Variants in ATRX observed in about 807,000 individuals in gnomAD.
ATRX encodes chromatin remodeler ATRX.
In ATRX, 12 loss-of-function variants were observed where a neutral mutation model predicts 172.6. That is an observed-to-expected ratio of 0.07 (90% CI 0.04 to 0.11). ATRX has a LOEUF of 0.11. Ranked by LOEUF, ATRX falls within the 10% of genes least tolerant of loss-of-function variation. The pLI, the probability that ATRX is intolerant of heterozygous loss-of-function variation, is 1.00. For missense variants in ATRX, 1,368 were observed against 1,767.4 expected, an observed-to-expected ratio of 0.77 and a Z score of 4.05; for synonymous variants, 674 against 594.7, an observed-to-expected ratio of 1.13 and a Z score of -1.94.
At chrX:77,767,509 C>T (rs2076013156) in intron 1 of ATRX, among the ~76,000 whole-genome samples, 1 of 109,865 alleles carries the variant, frequency 9.1e-6, no homozygotes, top group Non-Finnish European at 1.9e-5. Flanking sequence ...AATTCTCTCA[C>T]CTCAGCCTCC....
In ATRX at chrX:77,786,073, C is replaced by G. The variant is rs1371278843; in HGVS notation, c.-72G>C. On this transcript the variant is annotated 5_prime_UTR_variant, in exon 1 of 35. Coordinates refer to ENST00000373344, the MANE Select transcript of ATRX (RefSeq NM_000489.6). ...ATCTGCGCTCCCCCGCGCCCGGTTACGATAGAAATGCACTGGAGTCTTAGT... is the reference window on the plus strand; with the variant it reads ...ATCTGCGCTCCCCCGCGCCCGGTTAGGATAGAAATGCACTGGAGTCTTAGT... 1.2e-4 allele frequency: 132 copies of G among 1,108,299 alleles called. No homozygotes were observed. Among genetic ancestry groups the G allele is most frequent in the Non-Finnish European group, 1.3e-5 (11 of 822,800 alleles). 91.3% of individuals were successfully genotyped at this position (1,108,299 alleles called of 1,213,427 possible).
rs1557106643 is a variant in ATRX at position 77,633,553 on chromosome X, TA to T, written c.4956+12del. On this transcript the variant is annotated intron_variant, in intron 18 of 34. Coordinates refer to ENST00000373344, the MANE Select transcript of ATRX (RefSeq NM_000489.6). ...GACTATTTTAATAATAGAAAACATTTAAAATAAGTTACCTCAAGCTTCTCAT... is the reference window on the plus strand; with the variant it reads ...GACTATTTTAATAATAGAAAACATTTAAATAAGTTACCTCAAGCTTCTCAT... 1 of 1,200,745 alleles carries T rather than the reference TA, an allele frequency of 8.3e-7. No individual in the cohort carries two copies. The highest frequency in any genetic ancestry group is 2.2e-5 in the Admixed American group (1 of 45,722).
At chrX:77,583,507 G>C (rs1488382586) in intron 27 of ATRX, among the ~76,000 whole-genome samples, 1 of 110,004 alleles carries the variant, frequency 9.1e-6, no homozygotes, top group Non-Finnish European at 1.9e-5. Context: ...CTGGGCAACA[G>C]AGTGAGACCG....
intron 28 of ATRX, among the ~76,000 whole-genome samples, chrX:77,560,174 G>T (rs1557061265): frequency 9.1e-6 from 1 of 109,319 alleles, no homozygotes; most frequent in African/African-American, 3.3e-5. Context: ...AAAACTATCT[G>T]TTTTTTAAAA....
rs934613900 is a variant in ATRX at position 77,641,098 on chromosome X, G to A, written c.4558-5042C>T. Among the ~76,000 whole-genome samples, 4 of 111,320 alleles carry A rather than the reference G, an allele frequency of 3.6e-5. No homozygotes were observed. In the East Asian group the frequency reaches 8.4e-4, roughly 23 times the overall value. ...ATAAATTAAAGAGTATTGAAGAAAC[G>A]CATTAACCAGGCTTTTTTAAAAGCT... is the stretch of plus-strand genomic sequence containing the variant. On this transcript the variant is annotated intron_variant, in intron 15 of 34. Coordinates refer to ENST00000373344, the MANE Select transcript of ATRX (RefSeq NM_000489.6).
chrX:77,741,025 A>G (rs1168473943), intron 1 of ATRX, among the ~76,000 whole-genome samples: 1 of 85,261 alleles, frequency 1.2e-5, no homozygotes, highest in Non-Finnish European at 2.5e-5. Flanking sequence ...CAACATAGTG[A>G]GACCCTGTCT....
At chrX:77,708,795 ATGG>A (rs1337066479) in intron 2 of ATRX, among the ~76,000 whole-genome samples, 1 of 112,688 alleles carries the variant, frequency 8.9e-6, no homozygotes, top group Non-Finnish European at 1.9e-5. Context: ...TTTAAAATTG[ATGG>A]TGGTGATGGT....
Position 77,639,649 on chromosome X carries a change from A to G in ATRX, c.4558-3593T>C, listed in dbSNP as rs782791235. On this transcript the variant is annotated intron_variant, in intron 15 of 34. Transcript: ENST00000373344. The stretch of plus-strand genomic sequence containing the variant: ...AAGATTTCTGAACCATATGTTCATC[A>G]GTGACTTGATGATACTTTTGTTATT... 8.9e-5 allele frequency among the ~76,000 whole-genome samples: 10 copies of G among 112,198 alleles called. No homozygotes were observed. In the South Asian group the frequency reaches 3.0e-3, roughly 33 times the overall value.
rs782077612 is a variant in ATRX, at chrX:77,682,387, CTTT to C, written c.2866_2868del (p.Lys956del). 3.3e-6 allele frequency: 4 copies of C among 1,209,596 alleles called. No homozygotes were observed. Among genetic ancestry groups the C allele is most frequent in the Non-Finnish European group, 4.5e-6 (4 of 895,050 alleles). On this transcript the variant is annotated inframe_deletion, in exon 9 of 35. Transcript: ENST00000373344. ...GCAATATCAGATAAGCCATCCTGTA[CTTT>C]TTTACATGTTTTGGTTTTGAGATGC...
chrX:77,688,819 T>C lies in ATRX; in HGVS notation c.593A>G (p.Lys198Arg), dbSNP rs1180790039. The C allele has an allele frequency of 8.4e-7, 1 of 1,186,094 alleles. No homozygotes were observed. Among genetic ancestry groups the C allele is most frequent in the Non-Finnish European group, 1.1e-6 (1 of 873,495 alleles). ...RHPSLQVLIC[K>R]NCFKYYMSDD... is the part of the protein sequence containing the mutation. ...AAATATCAACAGATCATTACATACC[T>C]TACAAATAAGAACTTGCAATGAAGG... Residue 198 changes from lysine to arginine, a missense_variant and splice_region_variant, in exon 7 of 35, where the codon AAG becomes AGG. By Grantham distance (26) the Lys-to-Arg change is conservative. Coordinates refer to ENST00000373344, the MANE Select transcript of ATRX (RefSeq NM_000489.6).
chrX:77,615,838 C>A, intron 22 of ATRX: 1 of 380,388 alleles, frequency 2.6e-6, no homozygotes, highest in African/African-American at 2.8e-5. Flanking sequence ...TGATCAATTA[C>A]TGTATTCACA....
intron 1 of ATRX, among the ~76,000 whole-genome samples, chrX:77,783,396 AAAC>A (rs1304021037): frequency 4.5e-5 from 5 of 111,889 alleles, no homozygotes; most frequent in Non-Finnish European, 9.4e-5. Flanking sequence ...AATCCTTTAA[AAAC>A]AACAAAACCT....
intron 10 of ATRX, among the ~76,000 whole-genome samples, chrX:77,671,169 T>TATATAA (rs2070579103): frequency 5.2e-5 from 1 of 19,083 alleles, no homozygotes; most frequent in Non-Finnish European, 1.1e-4. Flanking sequence ...AAAAAAAAAA[T>TATATAA]ATATATATAT....
In ATRX at chrX:77,683,666, C is replaced by T. The variant is rs2148619072; in HGVS notation, c.1590G>A (p.Glu530=). The T allele has an allele frequency of 3.3e-6, 4 of 1,211,316 alleles. No homozygotes were observed. The highest frequency in any genetic ancestry group is 4.5e-6 in the Non-Finnish European group (4 of 895,114). The change falls in exon 9 of 35, where the codon GAG becomes GAA. Residue 530 remains glutamate, a synonymous_variant. Transcript: ENST00000373344. The part of the protein sequence containing the change: ...VPSSVPEDIF[E]NLETAMEVQS... ...GAACTTCCATAGCAGTCTCAAGATTCTCAAAAATGTCTTCTGGAACTGAGG... is the reference window on the plus strand; with the variant it reads ...GAACTTCCATAGCAGTCTCAAGATTTTCAAAAATGTCTTCTGGAACTGAGG...
Position 77,596,091 on chromosome X carries a change from C to A in ATRX, c.5957-2242G>T, listed in dbSNP as rs782100208. 8 of 111,911 alleles carry A rather than the reference C, an allele frequency of 7.1e-5. No individual in the cohort carries two copies. In the South Asian group the frequency reaches 2.9e-3, roughly 41 times the overall value. 9.2% of individuals were successfully genotyped at this position (111,911 alleles called of 1,213,427 possible). ...GATGCTGCTTCTCAGAAAAACGAGA[C>A]AGCTACTACAAAAGGATTAAAGCAA... is the stretch of plus-strand genomic sequence containing the variant. On this transcript the variant is annotated intron_variant, in intron 25 of 34. Transcript: ENST00000373344.
chrX:77,742,387 C>T (rs2074909494), intron 1 of ATRX, among the ~76,000 whole-genome samples: 2 of 111,770 alleles, frequency 1.8e-5, no homozygotes, highest in African/African-American at 6.5e-5. Context: ...GCAATTCTAG[C>T]GGAAACCTCA....
chrX:77,589,810 G>A lies in ATRX; in HGVS notation c.6217+24C>T, dbSNP rs782638926. On this transcript the variant is annotated intron_variant, in intron 27 of 34. Coordinates refer to ENST00000373344, the MANE Select transcript of ATRX (RefSeq NM_000489.6). ...TTTAAATCAGTATTTTTAAAATTAC[G>A]ACACAGAAATATTTGTAGCTCACCT... 14 of 1,140,893 alleles carry A rather than the reference G, an allele frequency of 1.2e-5. No homozygotes were observed. In the Admixed American group the frequency reaches 2.0e-4, roughly 16 times the overall value. 94.0% of individuals were successfully genotyped at this position (1,140,893 alleles called of 1,213,427 possible).
intron 9 of ATRX, among the ~76,000 whole-genome samples, chrX:77,676,865 T>C (rs1410593193): frequency 2.7e-5 from 3 of 112,374 alleles, no homozygotes; most frequent in Non-Finnish European, 1.9e-5. Flanking sequence ...CGCACGCCTG[T>C]AATCCCAGCA....
intron 1 of ATRX, among the ~76,000 whole-genome samples, chrX:77,781,956 T>A (rs2148982727): frequency 8.9e-6 from 1 of 112,048 alleles, no homozygotes; most frequent in South Asian, 3.7e-4. Flanking sequence ...ACATCAATAC[T>A]TAAATATTAT....
Sources: gnomAD v4.1 joint callset for allele counts (sites outside exome capture counted in the v4.1 genomes callset) on GRCh38, gnomAD v4.1.1 for gene constraint, MANE v1.5 for transcripts, NCBI Gene and HGNC (gene_info 2026-07-23, HGNC 2026-07-21) for gene names.